BCL2: variants seen among roughly 807,000 people sequenced by gnomAD.
BCL2 encodes the protein BCL2 apoptosis regulator.
BCL2 carries 1 observed loss-of-function variant against 14.2 expected under a neutral mutation model. That is an observed-to-expected ratio of 0.07 (90% CI 0.02 to 0.33). The LOEUF (loss-of-function observed/expected upper bound fraction) is 0.33. Ranked by LOEUF, BCL2 falls within the 10% of genes least tolerant of loss-of-function variation. The pLI is 0.99. For missense variants in BCL2, 247 were observed against 305.9 expected (o/e 0.81, Z 1.44); for synonymous variants, 151 against 137.2 (o/e 1.10, Z -0.70).
At chr18:63,163,478 C>A (rs1305799537) in intron 2 of BCL2, among the ~76,000 whole-genome samples, 3 of 152,140 alleles carry the variant, frequency 2.0e-5, no homozygotes, top group Non-Finnish European at 4.4e-5. Context: ...ATGAAGCAAC[C>A]TTTAGATTGA....
At chr18:63,204,871 C>T (rs1909792034) in intron 2 of BCL2, among the ~76,000 whole-genome samples, 1 of 152,084 alleles carries the variant, frequency 6.6e-6, no homozygotes, top group Admixed American at 6.5e-5. Context: ...AAACAGTAAG[C>T]TGCCTTTTGT....
intron 2 of BCL2, among the ~76,000 whole-genome samples, chr18:63,290,770 T>TAGA (rs1170337889): frequency 1.3e-5 from 2 of 152,320 alleles, no homozygotes; most frequent in Admixed American, 6.5e-5. Context: ...TTCTATTTGG[T>TAGA]AGAAGGCAAT....
At chr18:63,231,925 T>C (rs953430957) in intron 2 of BCL2, among the ~76,000 whole-genome samples, 14 of 152,054 alleles carry the variant, frequency 9.2e-5, no homozygotes, top group Non-Finnish European at 1.6e-4. Context: ...TCAAGACATA[T>C]ACAATATACT....
chr18:63,137,684 A>AC (rs1460055036), intron 2 of BCL2, among the ~76,000 whole-genome samples: 9 of 152,066 alleles, frequency 5.9e-5, no homozygotes, highest in Middle Eastern at 3.2e-3. Flanking sequence ...AAATATTATC[A>AC]CCCCCACTCA....
intron 2 of BCL2, among the ~76,000 whole-genome samples, chr18:63,249,266 T>C (rs1393017043): frequency 1.3e-5 from 2 of 152,314 alleles, no homozygotes; most frequent in Non-Finnish European, 2.9e-5. Flanking sequence ...CTAAGTCCAA[T>C]TGGTTCTTCC....
chr18:63,289,777 C>T (rs1300596922), intron 2 of BCL2, among the ~76,000 whole-genome samples: 1 of 152,132 alleles, frequency 6.6e-6, no homozygotes, highest in Non-Finnish European at 1.5e-5. Flanking sequence ...GCCTGTAATC[C>T]TAGCTACTTG....
intron 2 of BCL2, among the ~76,000 whole-genome samples, chr18:63,136,705 C>A (rs1192681511): frequency 1.3e-5 from 2 of 152,206 alleles, no homozygotes; most frequent in Non-Finnish European, 2.9e-5. Context: ...CTCTTGTTAA[C>A]CCACTGAGGG....
At chr18:63,310,415 G>C (rs1033526182) in intron 2 of BCL2, among the ~76,000 whole-genome samples, 1 of 152,034 alleles carries the variant, frequency 6.6e-6, no homozygotes, top group Non-Finnish European at 1.5e-5. Context: ...TCCCCGTATC[G>C]CCTGCCTGTT....
chr18:63,281,038 A>T (rs374989860), intron 2 of BCL2, among the ~76,000 whole-genome samples: 3 of 152,182 alleles, frequency 2.0e-5, no homozygotes, highest in African/African-American at 7.2e-5. Context: ...AGGCCAAAAC[A>T]TGGATGAACC....
chr18:63,276,027 G>A (rs1912141654), intron 2 of BCL2, among the ~76,000 whole-genome samples: 1 of 152,214 alleles, frequency 6.6e-6, no homozygotes, highest in Non-Finnish European at 1.5e-5. Context: ...AAAGGGTTTA[G>A]GGCACAAAGG....
intron 2 of BCL2, among the ~76,000 whole-genome samples, chr18:63,195,651 G>A (rs1224092189): frequency 6.6e-6 from 1 of 152,182 alleles, no homozygotes; most frequent in Admixed American, 6.5e-5. Context: ...TTTATGAATA[G>A]ACTAACACAC....
At chr18:63,147,721 A>G (rs1274180682) in intron 2 of BCL2, among the ~76,000 whole-genome samples, 2 of 152,232 alleles carry the variant, frequency 1.3e-5, no homozygotes, top group African/African-American at 4.8e-5. Context: ...ATGAAAAATT[A>G]AGGGATGTCT....
chr18:63,279,513 T>G (rs886124219), intron 2 of BCL2, among the ~76,000 whole-genome samples: 3 of 152,254 alleles, frequency 2.0e-5, no homozygotes, highest in African/African-American at 7.2e-5. Context: ...TTAAAGAGAC[T>G]GACAGTTCTA....
intron 2 of BCL2, among the ~76,000 whole-genome samples, chr18:63,277,173 C>G (rs756596369): frequency 1.1e-4 from 17 of 152,210 alleles, no homozygotes; most frequent in Non-Finnish European, 1.8e-4. Flanking sequence ...TTCCCTTCCT[C>G]TGTCCCTGAC....
At chr18:63,189,439 G>C (rs768632777) in intron 2 of BCL2, among the ~76,000 whole-genome samples, 18 of 152,100 alleles carry the variant, frequency 1.2e-4, no homozygotes, top group Non-Finnish European at 4.4e-5. Flanking sequence ...TCCTAGGTTA[G>C]GTATATCAAG....
At chr18:63,273,645 TGAGA>T (rs1318516071) in intron 2 of BCL2, among the ~76,000 whole-genome samples, 1 of 152,218 alleles carries the variant, frequency 6.6e-6, no homozygotes, top group Non-Finnish European at 1.5e-5. Flanking sequence ...GTCTATGAAA[TGAGA>T]GAGTTGAACC....
chr18:63,251,872 T>A (rs1002687590), intron 2 of BCL2, among the ~76,000 whole-genome samples: 1 of 151,918 alleles, frequency 6.6e-6, no homozygotes, highest in African/African-American at 2.4e-5. Context: ...CTAATTTTTG[T>A]ATTTTTAGTA....
chr18:63,162,274 G>C (rs145903542), intron 2 of BCL2, among the ~76,000 whole-genome samples: 1,723 of 152,158 alleles, frequency 0.011, 37 homozygotes, highest in African/African-American at 0.038. Flanking sequence ...ACAAAAAACT[G>C]CTCAAAGTTC....
chr18:63,185,937 C>A (rs1348076143), intron 2 of BCL2, among the ~76,000 whole-genome samples: 1 of 152,146 alleles, frequency 6.6e-6, no homozygotes, highest in Non-Finnish European at 1.5e-5. Flanking sequence ...TATGAACAGA[C>A]AAAACTGTCA....
Sources: allele counts gnomAD v4.1 joint callset (sites outside exome capture counted in the v4.1 genomes callset), GRCh38; gene constraint gnomAD v4.1.1; transcripts MANE v1.5; gene names NCBI Gene and HGNC (gene_info 2026-07-23, HGNC 2026-07-21).